The following PTPRS variants were observed in gnomAD, a reference collection of about 807,000 sequenced individuals.
The protein encoded by PTPRS is protein tyrosine phosphatase receptor type S, also known as receptor-type tyrosine-protein phosphatase S.
In PTPRS, 63 loss-of-function variants were observed where a neutral mutation model predicts 215.3. That is an observed-to-expected ratio of 0.29 (90% CI 0.24 to 0.36). The LOEUF is 0.36. Ranked by LOEUF, PTPRS falls within the 10% of genes least tolerant of loss-of-function variation. The pLI is 1.00. For missense variants in PTPRS, 2,258 were observed against 2,825.8 expected, an observed-to-expected ratio of 0.80 and a Z score of 4.56; for synonymous variants, 1,404 against 1,191.4, an observed-to-expected ratio of 1.18 and a Z score of -3.68.
rs2049092866 is a variant in PTPRS at position 5,295,047 on chromosome 19, C to G, written c.-94-8813G>C. Among the ~76,000 whole-genome samples, 1 of 152,206 alleles carries G rather than the reference C, an allele frequency of 6.6e-6. No homozygotes were observed. The highest frequency in any genetic ancestry group is 2.4e-5 in the African/African-American group (1 of 41,446). On this transcript the variant is annotated intron_variant, in intron 1 of 37. Transcript: ENST00000262963. The surrounding 1 kb of genome is among the most constrained non-coding windows in gnomAD (Gnocchi z 4.6). Reference sequence around the variant, plus strand: ...GACCTCCCCAACTTGGCTGGGCACACAGTGGGCCCTCAGGAGCAGAGTAGG... The same window carrying G: ...GACCTCCCCAACTTGGCTGGGCACAGAGTGGGCCCTCAGGAGCAGAGTAGG...
intron 2 of PTPRS, chr19:5,278,213 G>T: frequency 2.6e-6 from 1 of 379,780 alleles, no homozygotes; most frequent in Non-Finnish European, 5.0e-6. Context: ...AGTGGGGGGT[G>T]GGGGAAAGGA....
chr19:5,264,024 G>A lies in PTPRS; in HGVS notation c.568+984C>T, dbSNP rs1017056610. 1.7e-4 allele frequency among the ~76,000 whole-genome samples: 26 copies of A among 152,210 alleles called. 1 individual carries two copies. Among genetic ancestry groups the A allele is most frequent in the African/African-American group, 6.3e-4 (26 of 41,454 alleles). ...ACAGATGGACCCACAGATGGGCCAT[G>A]TGGGTGCTTTGTGGAGACACAATGG... On this transcript the variant is annotated intron_variant, in intron 5 of 37. Coordinates refer to ENST00000262963, the MANE Select transcript of PTPRS (RefSeq NM_002850.4).
intron 23 of PTPRS, 42 bp from the exon 24 acceptor site, chr19:5,218,840 G>C: frequency 6.4e-7 from 1 of 1,566,558 alleles, no homozygotes; most frequent in Non-Finnish European, 8.7e-7. Flanking sequence ...GGGAAAAAAA[G>C]AAGAAAGGTG....
intron 5 of PTPRS, 44 bp downstream of exon 5, chr19:5,264,964 C>G: frequency 2.5e-6 from 4 of 1,604,856 alleles, no homozygotes; most frequent in Non-Finnish European, 2.6e-6. Flanking sequence ...CCACCCCCTG[C>G]TGCCCTCCAA....
At position 5,222,974 on chromosome 19, in the gene PTPRS, T is replaced by C; in HGVS notation, c.2818A>G (p.Asn940Asp). The change falls in exon 18 of 38, where the codon AAC becomes GAC. Residue 940 changes from asparagine to aspartate, a missense_variant. By Grantham distance (23) the Asn-to-Asp change is conservative. Around this residue, in one of 6 missense-constraint regions of PTPRS, gnomAD observed 361 missense variants for 332.6 expected, o/e 1.09. Coordinates refer to ENST00000262963, the MANE Select transcript of PTPRS (RefSeq NM_002850.4). ...GHPQILEAAGNASAGTVLLRW... is the reference protein window; with the variant it reads ...GHPQILEAAGDASAGTVLLRW... Reference sequence around the variant, plus strand: ...AGAAGGACGGTCCCGGCCGAGGCGTTGCCGGCCGCCTCCAGAATCTGCGGG... The same window carrying C: ...AGAAGGACGGTCCCGGCCGAGGCGTCGCCGGCCGCCTCCAGAATCTGCGGG... The C allele has an allele frequency of 6.5e-7, 1 of 1,541,484 alleles. No individual in the cohort carries two copies.
rs148969976 is a variant in PTPRS, at chr19:5,253,705, C to A, written c.718+2403G>T. On this transcript the variant is annotated intron_variant, in intron 9 of 37. Transcript: ENST00000262963. Reference sequence around the variant, plus strand: ...AGCAAATGAATTAGCTTCTGCCCTACAATTATTTTTAAAAGTTTCCCATAT... The same window carrying A: ...AGCAAATGAATTAGCTTCTGCCCTAAAATTATTTTTAAAAGTTTCCCATAT... 1.7e-3 allele frequency among the ~76,000 whole-genome samples: 266 copies of A among 152,270 alleles called. 1 individual carries two copies. Among genetic ancestry groups the A allele is most frequent in the African/African-American group, 6.2e-3 (259 of 41,554 alleles).
rs1202853761 is a variant in PTPRS at position 5,245,762 on chromosome 19, T to C, written c.988+14A>G. 1.9e-6 allele frequency: 3 copies of C among 1,564,232 alleles called. No homozygotes were observed. The highest frequency in any genetic ancestry group is 2.6e-6 in the Non-Finnish European group (3 of 1,151,156). On this transcript the variant is annotated intron_variant, in intron 10 of 37. Transcript: ENST00000262963. Reference sequence around the variant, plus strand: ...CCTGCCCCTCCACCTACGAGCCCCATGGGCCCTGCTCACATTTCACCGTGA... The same window carrying C: ...CCTGCCCCTCCACCTACGAGCCCCACGGGCCCTGCTCACATTTCACCGTGA...
intron 13 of PTPRS, among the ~76,000 whole-genome samples, chr19:5,238,348 G>A (rs1396088099): frequency 1.3e-5 from 2 of 152,128 alleles, no homozygotes; most frequent in African/African-American, 2.4e-5. Flanking sequence ...ATGCCCCCAC[G>A]AAACCTGGCC....
At chr19:5,321,330 C>T (rs1483873334) in intron 1 of PTPRS, among the ~76,000 whole-genome samples, 2 of 152,134 alleles carry the variant, frequency 1.3e-5, no homozygotes, top group Non-Finnish European at 1.5e-5. Context: ...GTCACGTCTA[C>T]GGAGCATTCC....
chr19:5,270,609 C>T (rs2046827284), intron 4 of PTPRS, among the ~76,000 whole-genome samples: 1 of 152,064 alleles, frequency 6.6e-6, no homozygotes. Context: ...GGCATGTGGC[C>T]AGCAGCAGAG....
At chr19:5,254,181 G>A (rs2045372919) in intron 9 of PTPRS, among the ~76,000 whole-genome samples, 1 of 152,176 alleles carries the variant, frequency 6.6e-6, no homozygotes, top group African/African-American at 2.4e-5. Context: ...CCATCTTTTG[G>A]CACTGCTCTG....
intron 9 of PTPRS, 74 bp from the exon 10 acceptor site, chr19:5,246,119 C>A: frequency 1.2e-6 from 1 of 842,790 alleles, no homozygotes; most frequent in South Asian, 3.6e-5. Context: ...GAGGGGAAGA[C>A]AGGATGCGGA....
intron 25 of PTPRS, among the ~76,000 whole-genome samples, chr19:5,217,993 T>C (rs973401610): frequency 6.6e-6 from 1 of 152,046 alleles, no homozygotes; most frequent in Admixed American, 6.5e-5. Context: ...TTCTGTACCT[T>C]GCTAGGGATA....
chr19:5,218,901 T>C (rs2041731598), intron 23 of PTPRS, 103 bp from the exon 24 acceptor site: 2 of 1,246,444 alleles, frequency 1.6e-6, no homozygotes, highest in African/African-American at 1.5e-5. Context: ...GTGCCTTCCT[T>C]AACCTCTGTG....
At chr19:5,290,797 C>T (rs2048750619) in intron 1 of PTPRS, among the ~76,000 whole-genome samples, 2 of 151,886 alleles carry the variant, frequency 1.3e-5, no homozygotes, top group African/African-American at 2.4e-5. Flanking sequence ...ATCTCTCCAC[C>T]TTCACATCCA....
At chr19:5,240,379 C>A in intron 11 of PTPRS, 47 bp from the exon 12 acceptor site, 2 of 1,518,652 alleles carry the variant, frequency 1.3e-6, no homozygotes, top group East Asian at 2.4e-5. Flanking sequence ...GCGTCCACCC[C>A]ACAAAGGGGG....
intron 16 of PTPRS, among the ~76,000 whole-genome samples, chr19:5,228,361 A>AAAAAAG (rs1555757601): frequency 6.9e-6 from 1 of 143,968 alleles, no homozygotes; most frequent in African/African-American, 2.6e-5. Context: ...AAAAAAAAAA[A>AAAAAAG]AAGAGACAGG....
chr19:5,329,145 G>A lies in PTPRS; in HGVS notation c.-95+11519C>T, dbSNP rs7251702. On this transcript the variant is annotated intron_variant, in intron 1 of 37. Transcript: ENST00000262963. Reference sequence around the variant, plus strand: ...GGTAGGGGTGGCCTGGCCAGAAACAGAGCTCCCGGCAGAGCAAGGACAAAG... The same window carrying A: ...GGTAGGGGTGGCCTGGCCAGAAACAAAGCTCCCGGCAGAGCAAGGACAAAG... Among the ~76,000 whole-genome samples the A allele has an allele frequency of 6.1e-3, 924 of 152,208 alleles. 13 individuals carry two copies. Among genetic ancestry groups the A allele is most frequent in the African/African-American group, 0.021 (871 of 41,544 alleles).
intron 1 of PTPRS, among the ~76,000 whole-genome samples, chr19:5,290,509 G>A (rs1055406826): frequency 7.2e-5 from 11 of 152,144 alleles, no homozygotes; most frequent in African/African-American, 2.4e-4. Context: ...GTGTGCCCAC[G>A]CGGTCCAGGA....
Sources: allele counts gnomAD v4.1 joint callset (sites outside exome capture counted in the v4.1 genomes callset), GRCh38; gene constraint gnomAD v4.1.1; regional missense constraint gnomAD v4.1.1; non-coding constraint Gnocchi (gnomAD v3.1); transcripts MANE v1.5; gene names NCBI Gene and HGNC (gene_info 2026-07-23, HGNC 2026-07-21).